Variants in SYNDIG1L observed in about 807,000 individuals in gnomAD.
The protein encoded by SYNDIG1L is synapse differentiation-inducing gene protein 1-like.
Under a neutral mutation model 20.1 loss-of-function variants are expected in SYNDIG1L, and 13 were observed. The ratio of observed to expected loss-of-function variants is 0.65; its 90% CI spans 0.42 to 1.03. The LOEUF is 1.03. Ranked by LOEUF, SYNDIG1L falls within the 50% of genes least tolerant of loss-of-function variation. SYNDIG1L has a pLI of 0.00. For missense variants in SYNDIG1L, 294 were observed against 305.1 expected (o/e 0.96, Z 0.27); for synonymous variants, 128 against 129.3 (o/e 0.99, Z 0.07).
At chr14:74,430,319 A>C (rs1233842132), upstream of SYNDIG1L, among the ~76,000 whole-genome samples, 1 of 152,108 alleles carries the variant, frequency 6.6e-6, no homozygotes. Context: ...AGGATGAGTG[A>C]GCGTATATGT....
chr14:74,418,602 C>A (rs897899463), intron 1 of SYNDIG1L, among the ~76,000 whole-genome samples: 4 of 152,200 alleles, frequency 2.6e-5, no homozygotes, highest in African/African-American at 7.2e-5. Context: ...CTGCTTCAAC[C>A]ACAGAGCACA....
chr14:74,467,815 G>A, the SYNDIG1L span, among the ~76,000 whole-genome samples: 10 of 152,260 alleles, frequency 6.6e-5, no homozygotes, highest in Non-Finnish European at 8.8e-5. Flanking sequence ...CGTGGAGCTG[G>A]AGAGGAGACT....
chr14:74,440,500 G>C, the SYNDIG1L span, among the ~76,000 whole-genome samples: 1 of 137,412 alleles, frequency 7.3e-6, no homozygotes, highest in African/African-American at 3.0e-5. Flanking sequence ...GGGCGACAGA[G>C]CGAGACTCCG....
chr14:74,452,116 C>T, the SYNDIG1L span, among the ~76,000 whole-genome samples: 13 of 151,256 alleles, frequency 8.6e-5, no homozygotes, highest in African/African-American at 3.2e-4. Context: ...CAAGTAAACA[C>T]ATGAAAAGAT....
chr14:74,423,887 G>A (rs1234327916), intron 1 of SYNDIG1L, among the ~76,000 whole-genome samples: 1 of 152,012 alleles, frequency 6.6e-6, no homozygotes, highest in Admixed American at 6.6e-5. Context: ...TGGTGGTGGT[G>A]GTGGCAGGGA....
rs750569480 is a variant in SYNDIG1L, at chr14:74,407,643, G to T, written c.609C>A (p.Ser203=). 10 of 1,613,728 alleles carry T rather than the reference G, an allele frequency of 6.2e-6. No homozygotes were observed. Among genetic ancestry groups the T allele is most frequent in the Non-Finnish European group, 8.5e-6 (10 of 1,179,878 alleles). Residue 203 remains serine (S), a synonymous_variant, in exon 4 of 4, where the codon TCC becomes TCA. Transcript: ENST00000331628. ...GTGTGGCTAGGAAGAGGGCCCGGCG[G>T]GAGGTGGTGCTGGCCAGGCGGAAGT... ...KGDFRLASTT[S]RRALFLATLA...
chr14:74,448,629 G>A, the SYNDIG1L span, among the ~76,000 whole-genome samples: 1 of 151,958 alleles, frequency 6.6e-6, no homozygotes, highest in South Asian at 2.1e-4. Context: ...CCATATTTTG[G>A]GCCATAAATC....
chr14:74,460,193 C>T, the SYNDIG1L span, among the ~76,000 whole-genome samples: 1 of 152,256 alleles, frequency 6.6e-6, no homozygotes, highest in Non-Finnish European at 1.5e-5. Context: ...TTAAGCCCTG[C>T]CCTGTCTCAC....
chr14:74,432,108 C>T, the SYNDIG1L span, among the ~76,000 whole-genome samples: 1 of 151,460 alleles, frequency 6.6e-6, no homozygotes, highest in East Asian at 1.9e-4. Context: ...AACACCCACT[C>T]CCAAGGACTC....
At chr14:74,428,406 T>C (rs2139635740), upstream of SYNDIG1L, among the ~76,000 whole-genome samples, 1 of 152,292 alleles carries the variant, frequency 6.6e-6, no homozygotes, top group Non-Finnish European at 1.5e-5. Context: ...CTCCCTTCCT[T>C]TTTCCATCAA....
chr14:74,475,181 G>A, the SYNDIG1L span, among the ~76,000 whole-genome samples: 1 of 151,858 alleles, frequency 6.6e-6, no homozygotes, highest in Non-Finnish European at 1.5e-5. Flanking sequence ...CCACTGAGCA[G>A]TTTCCATGGC....
At chr14:74,440,874 A>G in the SYNDIG1L span, among the ~76,000 whole-genome samples, 1 of 152,222 alleles carries the variant, frequency 6.6e-6, no homozygotes, top group Non-Finnish European at 1.5e-5. Flanking sequence ...AGCACAGCAC[A>G]GTGGTTAAGA....
At chr14:74,476,187 G>T in the SYNDIG1L span, 1 of 535,458 alleles carries the variant, frequency 1.9e-6, no homozygotes, top group African/African-American at 1.9e-5. Flanking sequence ...CATATGGATG[G>T]TTGAGGGTGT....
the SYNDIG1L span, among the ~76,000 whole-genome samples, chr14:74,479,015 C>T: frequency 1.9e-4 from 29 of 152,098 alleles, no homozygotes; most frequent in South Asian, 4.1e-4. Flanking sequence ...GCCAGAGACC[C>T]GCACAACAGT....
chr14:74,468,662 T>G, the SYNDIG1L span, among the ~76,000 whole-genome samples: 1 of 152,122 alleles, frequency 6.6e-6, no homozygotes, highest in South Asian at 2.1e-4. Context: ...TGCTCAGGTG[T>G]GCATCCCACA....
chr14:74,460,518 C>T, the SYNDIG1L span, among the ~76,000 whole-genome samples: 3 of 152,330 alleles, frequency 2.0e-5, no homozygotes. Flanking sequence ...TCGTGCTCTC[C>T]CCAGCCTTTC....
intron 1 of SYNDIG1L, among the ~76,000 whole-genome samples, chr14:74,419,345 T>C (rs1000661966): frequency 1.3e-5 from 2 of 152,172 alleles, no homozygotes; most frequent in African/African-American, 4.8e-5. Flanking sequence ...GTCTTGCTCC[T>C]CCCTGCATTC....
chr14:74,441,644 T>A, the SYNDIG1L span, among the ~76,000 whole-genome samples: 1 of 152,130 alleles, frequency 6.6e-6, no homozygotes, highest in East Asian at 1.9e-4. Flanking sequence ...TACCTAGGAC[T>A]ACAGGTGAGT....
the SYNDIG1L span, among the ~76,000 whole-genome samples, chr14:74,451,711 G>A: frequency 2.6e-5 from 4 of 152,150 alleles, no homozygotes; most frequent in African/African-American, 9.7e-5. Flanking sequence ...ACTTCTGTAG[G>A]CCGGGTACGG....
Sources: gnomAD v4.1 joint callset for allele counts (sites outside exome capture counted in the v4.1 genomes callset) on GRCh38, gnomAD v4.1.1 for gene constraint, MANE v1.5 for transcripts, NCBI Gene and HGNC (gene_info 2026-07-23, HGNC 2026-07-21) for gene names.